CAAP1: variants seen among roughly 807,000 people sequenced by gnomAD.
CAAP1 encodes the protein caspase activity and apoptosis inhibitor 1.
Under a neutral mutation model 34.0 loss-of-function variants are expected in CAAP1, and 20 were observed. The ratio of observed to expected loss-of-function variants is 0.59; its 90% CI spans 0.41 to 0.86. CAAP1 has a LOEUF of 0.86. Among genes scored for constraint, CAAP1 ranks in the 40% least tolerant of loss-of-function variants. CAAP1 has a pLI of 0.00. For missense variants in CAAP1, 538 were observed against 450.5 expected (o/e 1.19, Z -1.76); for synonymous variants, 213 against 166.7 (o/e 1.28, Z -2.14).
At chr9:26,855,418 A>G (rs945876782) in intron 5 of CAAP1, among the ~76,000 whole-genome samples, 6 of 152,198 alleles carry the variant, frequency 3.9e-5, no homozygotes, top group Non-Finnish European at 5.9e-5. Flanking sequence ...TGATGTCATT[A>G]TAAAATTATC....
At chr9:26,843,147 T>TA (rs1822518344) in intron 5 of CAAP1, among the ~76,000 whole-genome samples, 1 of 152,234 alleles carries the variant, frequency 6.6e-6, no homozygotes, top group African/African-American at 2.4e-5. Flanking sequence ...AATCTTTTCA[T>TA]ACGCTTTTTC....
In CAAP1 at chr9:26,887,454, G is replaced by A. The variant is rs199681958; in HGVS notation, c.363C>T (p.Asp121=). Reference sequence around the variant, plus strand: ...TCAGGTCCAGTCCACCTTCTTCAAGGTCACTGTGCTCTGCCAAGAATAATT... The same window carrying A: ...TCAGGTCCAGTCCACCTTCTTCAAGATCACTGTGCTCTGCCAAGAATAATT... ...EKELFLAEHS[D]LEEGGLDLTV... The change falls in exon 2 of 6, where the codon GAC becomes GAT. Residue 121 remains aspartate, a synonymous_variant. Transcript: ENST00000333916. The A allele has an allele frequency of 1.9e-5, 30 of 1,613,278 alleles. No homozygotes were observed. The highest frequency in any genetic ancestry group is 1.7e-5 in the Admixed American group (1 of 59,848).
At chr9:26,874,581 G>T (rs1316901703) in intron 4 of CAAP1, among the ~76,000 whole-genome samples, 2 of 152,016 alleles carry the variant, frequency 1.3e-5, no homozygotes, top group Non-Finnish European at 2.9e-5. Context: ...TTACCTCCAT[G>T]AAATCAATTT....
At chr9:26,873,463 A>G (rs1050806363) in intron 4 of CAAP1, among the ~76,000 whole-genome samples, 5 of 152,200 alleles carry the variant, frequency 3.3e-5, no homozygotes, top group Non-Finnish European at 5.9e-5. Flanking sequence ...AAAACTGCTA[A>G]GATTTCCCTA....
At chr9:26,884,774 A>T in intron 4 of CAAP1, 36 bp downstream of exon 4, 1 of 1,421,438 alleles carries the variant, frequency 7.0e-7, no homozygotes, top group South Asian at 1.2e-5. Context: ...AATAACAAAG[A>T]AATTTTGAAA....
intron 5 of CAAP1, among the ~76,000 whole-genome samples, chr9:26,849,040 T>C (rs1419807750): frequency 1.3e-5 from 2 of 152,158 alleles, no homozygotes. Context: ...CTTCAGTACT[T>C]GGGTGCGGAG....
chr9:26,883,371 A>T (rs1823648890), intron 4 of CAAP1, among the ~76,000 whole-genome samples: 1 of 152,190 alleles, frequency 6.6e-6, no homozygotes, highest in South Asian at 2.1e-4. Context: ...GCCATGTATG[A>T]AGCACCTTTC....
chr9:26,842,215 A>G lies in CAAP1; in HGVS notation c.*86T>C, dbSNP rs1934225096. ...ATAAGGGTTACATGAGAAATAACAT[A>G]TAAGACCCCAAATAAATTTTAGATA... On this transcript the variant is annotated 3_prime_UTR_variant, in exon 6 of 6. Transcript: ENST00000333916. The G allele has an allele frequency of 3.7e-6, 4 of 1,076,912 alleles. No individual in the cohort carries two copies. Among genetic ancestry groups the G allele is most frequent in the African/African-American group, 3.2e-5 (2 of 62,730 alleles). The allele number at this position is 1,076,912 out of a possible 1,614,324, so 66.7% of individuals were successfully genotyped here. A position where few individuals can be genotyped will look rare whatever the true frequency, so the allele number is the denominator to read the frequency against.
chr9:26,842,341 T>G lies in CAAP1; in HGVS notation c.1046A>C (p.Lys349Thr). 6.2e-7 allele frequency: 1 copy of G among 1,604,538 alleles called. No homozygotes were observed. The highest frequency in any genetic ancestry group is 8.5e-7 in the Non-Finnish European group (1 of 1,176,992). ...TATATCACCAGCTTTCATTAGGGCTTTAATCGCTCTTGCCCTCATCTCAAG... is the reference window on the plus strand; with the variant it reads ...TATATCACCAGCTTTCATTAGGGCTGTAATCGCTCTTGCCCTCATCTCAAG... ...LELEMRARAIKALMKAGDIKK... is the reference protein window; with the variant it reads ...LELEMRARAITALMKAGDIKK... The change falls in exon 6 of 6, where the codon AAA becomes ACA. Residue 349 changes from lysine (K) to threonine (T), a missense_variant. Transcript: ENST00000333916.
chr9:26,891,925 A>G (rs887625465), intron 1 of CAAP1, among the ~76,000 whole-genome samples: 9 of 152,238 alleles, frequency 5.9e-5, no homozygotes, highest in African/African-American at 2.2e-4. Context: ...TGGCGTATAA[A>G]GAACATGGCT....
intron 4 of CAAP1, among the ~76,000 whole-genome samples, chr9:26,881,673 A>G (rs935978935): frequency 6.6e-6 from 1 of 152,196 alleles, no homozygotes; most frequent in Non-Finnish European, 1.5e-5. Context: ...CAGTGTGAAA[A>G]CAGACTAATA....
At chr9:26,866,037 G>A (rs1045029286) in intron 4 of CAAP1, among the ~76,000 whole-genome samples, 1 of 152,034 alleles carries the variant, frequency 6.6e-6, no homozygotes, top group Admixed American at 6.6e-5. Context: ...AGTAGAGACG[G>A]GGTTTCACCA....
Position 26,887,659 on chromosome 9 carries a change from G to A in CAAP1, c.304-146C>T, listed in dbSNP as rs536316482. The A allele has an allele frequency of 1.0e-5, 6 of 581,628 alleles. No individual in the cohort carries two copies. In the South Asian group the frequency reaches 1.2e-4, roughly 12 times the overall value. The allele number at this position is 581,628 out of a possible 1,614,324, so 36.0% of individuals were successfully genotyped here. ...GCATAATTATTTATCAAAACCATAG[G>A]AGAGAATATCTGTTTAATATTACTT... On this transcript the variant is annotated intron_variant, in intron 1 of 5. Transcript: ENST00000333916.
intron 5 of CAAP1, among the ~76,000 whole-genome samples, chr9:26,847,198 A>ATATATTTTTT (rs1554649570): frequency 2.9e-5 from 1 of 34,708 alleles, no homozygotes; most frequent in Non-Finnish European, 5.0e-5. Flanking sequence ...AAAAAGCAAT[A>ATATATTTTTT]TTTTTTTTTT....
chr9:26,867,942 T>C (rs1047560309), intron 4 of CAAP1, among the ~76,000 whole-genome samples: 1 of 152,182 alleles, frequency 6.6e-6, no homozygotes, highest in African/African-American at 2.4e-5. Flanking sequence ...AGAAGTATGG[T>C]ACTGCTTTGG....
rs957316554 is a variant in CAAP1, at chr9:26,892,465, C to CGCTCGCTGCGCT, written c.239_250dup (p.Glu83_Arg84insGlnArgSerGlu). On this transcript the variant is annotated inframe_insertion, in exon 1 of 6. Coordinates refer to ENST00000333916, the MANE Select transcript of CAAP1 (RefSeq NM_024828.4). ...AGAGTCGGTACTCCTCCGCTTCCGG[C>CGCTCGCTGCGCT]GCTCGCTGCGCTCCACGCTGCTCCC... 2 of 1,567,170 alleles carry CGCTCGCTGCGCT rather than the reference C, an allele frequency of 1.3e-6. No homozygotes were observed. The highest frequency in any genetic ancestry group is 2.7e-5 in the African/African-American group (2 of 73,722).
chr9:26,857,884 A>G (rs1822910179), intron 5 of CAAP1, among the ~76,000 whole-genome samples: 1 of 152,128 alleles, frequency 6.6e-6, no homozygotes, highest in Non-Finnish European at 1.5e-5. Context: ...AGACAAAAAA[A>G]TGCCAATTTC....
Position 26,861,053 on chromosome 9 carries a change from A to G in CAAP1, c.739+13T>C, listed in dbSNP as rs774238098. 1.3e-5 allele frequency: 20 copies of G among 1,573,070 alleles called. No homozygotes were observed. In the Admixed American group the frequency reaches 3.4e-4, roughly 26 times the overall value. ...GGTAAATTTTATACAATAATCAAGT[A>G]CTTGGTTCATACCTTGTTTTAATTC... On this transcript the variant is annotated intron_variant, in intron 5 of 5. Coordinates refer to ENST00000333916, the MANE Select transcript of CAAP1 (RefSeq NM_024828.4).
chr9:26,891,605 A>G (rs1457761794), intron 1 of CAAP1, among the ~76,000 whole-genome samples: 1 of 152,236 alleles, frequency 6.6e-6, no homozygotes. Context: ...AAATATCAGA[A>G]AAATATAATA....
Sources: allele counts gnomAD v4.1 joint callset (sites outside exome capture counted in the v4.1 genomes callset), GRCh38; gene constraint gnomAD v4.1.1; transcripts MANE v1.5; gene names NCBI Gene and HGNC (gene_info 2026-07-23, HGNC 2026-07-21).